Variants in SLC2A11 observed in about 807,000 individuals in gnomAD.
SLC2A11 encodes the protein solute carrier family 2 member 11.
In SLC2A11, 43 loss-of-function variants were observed where a neutral mutation model predicts 52.1. That is an observed-to-expected ratio of 0.82 (90% CI 0.65 to 1.06). The LOEUF is 1.06. SLC2A11 is among the 50% of genes least tolerant of loss of function. The pLI is 0.00. For missense variants in SLC2A11, 582 were observed against 654.2 expected (o/e 0.89, Z 1.20); for synonymous variants, 261 against 277.6 (o/e 0.94, Z 0.59).
At chr22:23,863,447 A>T (rs1445240259) in intron 2 of SLC2A11, among the ~76,000 whole-genome samples, 2 of 152,124 alleles carry the variant, frequency 1.3e-5, no homozygotes, top group Non-Finnish European at 2.9e-5. Context: ...CCAGTGATAG[A>T]AGCCCACCTC....
chr22:23,884,342 G>T lies in SLC2A11; in HGVS notation c.1212G>T (p.Gln404His). The change falls in exon 11 of 12, where the codon CAG (glutamine) becomes CAT (histidine). Residue 404 changes from glutamine (Q) to histidine (H), a missense_variant. Physicochemically the swap from Gln to His is conservative, Grantham distance 24. Transcript: ENST00000316185. The surrounding 1 kb of genome is among the most constrained non-coding windows in gnomAD (Gnocchi z 4.3). ...TCCTGGCCACAGAGCTGTTTGACCA[G>T]ATGGCCAGGCCTGCTGCCTGCATGG... is the stretch of plus-strand genomic sequence containing the variant. ...TGILATELFD[Q>H]MARPAACMVC... 1 of 1,614,044 alleles carries T rather than the reference G, an allele frequency of 6.2e-7. No homozygotes were observed. Among genetic ancestry groups the T allele is most frequent in the Non-Finnish European group, 8.5e-7 (1 of 1,180,008 alleles).
chr22:23,857,937 C>T lies in SLC2A11; in HGVS notation c.-63C>T. 1 of 1,593,682 alleles carries T rather than the reference C, an allele frequency of 6.3e-7. No individual in the cohort carries two copies. The highest frequency in any genetic ancestry group is 8.5e-7 in the Non-Finnish European group (1 of 1,171,320). ...CCGCGCACAGGCTGCCGGCTCACCG[C>T]TTGCTAATGGCAGCCGGGGTCTCCC... On this transcript the variant is annotated 5_prime_UTR_variant, in exon 1 of 12. Transcript: ENST00000316185.
Position 23,884,255 on chromosome 22 carries a change from G to A in SLC2A11, c.1172-47G>A. On this transcript the variant is annotated intron_variant, in intron 10 of 11. Coordinates refer to ENST00000316185, the MANE Select transcript of SLC2A11 (RefSeq NM_001024939.4). The surrounding 1 kb of genome is among the most constrained non-coding windows in gnomAD (Gnocchi z 4.3). ...CTGGGCTGGGGTCGGGGAGAGGCAG[G>A]CAGGGAACCCTGGCCAGCAGCCCCC... is the stretch of plus-strand genomic sequence containing the variant. 5.7e-6 allele frequency: 9 copies of A among 1,585,114 alleles called. No individual in the cohort carries two copies. Among genetic ancestry groups the A allele is most frequent in the Non-Finnish European group, 7.7e-6 (9 of 1,164,596 alleles).
chr22:23,884,858 G>A lies in SLC2A11; in HGVS notation c.*9G>A. On this transcript the variant is annotated 3_prime_UTR_variant, in exon 12 of 12. Transcript: ENST00000316185. The surrounding 1 kb of genome is among the most constrained non-coding windows in gnomAD (Gnocchi z 4.3). ...AGTCAACAGAACTCTAGTCCCAAAG[G>A]GGTGGCCAGAGCCAAAGCCAGCTAC... 2 of 1,613,636 alleles carry A rather than the reference G, an allele frequency of 1.2e-6. No individual in the cohort carries two copies. Among genetic ancestry groups the A allele is most frequent in the South Asian group, 1.1e-5 (1 of 91,050 alleles).
Position 23,884,197 on chromosome 22 carries a change from A to G in SLC2A11, c.1172-105A>G, listed in dbSNP as rs532693181. On this transcript the variant is annotated intron_variant, in intron 10 of 11. Coordinates refer to ENST00000316185, the MANE Select transcript of SLC2A11 (RefSeq NM_001024939.4). This position sits in a 1 kb window ranked among gnomAD's most constrained non-coding sequence, Gnocchi z 4.3. ...GGAGGAGAGCACTGAGGGGCCCCCC[A>G]TACAGACTGGGCCTGGGCTCCCACT... 3.0e-4 allele frequency: 451 copies of G among 1,502,056 alleles called. No individual in the cohort carries two copies. In the African/African-American group the frequency reaches 5.8e-3, roughly 19 times the overall value. The allele number at this position is 1,502,056 out of a possible 1,614,324, so 93.0% of individuals were successfully genotyped here.
At position 23,884,905 on chromosome 22, in the gene SLC2A11, C is replaced by A. The variant is rs757548372; in HGVS notation, c.*56C>A. The A allele has an allele frequency of 6.7e-7, 1 of 1,482,680 alleles. No individual in the cohort carries two copies. Among genetic ancestry groups the A allele is most frequent in the Non-Finnish European group, 9.3e-7 (1 of 1,072,964 alleles). The allele number at this position is 1,482,680 out of a possible 1,614,324, so 91.8% of individuals were successfully genotyped here. Reference sequence around the variant, plus strand: ...CTACTGTCCTGTCCTCTGCTTCCTGCCAGGGCCCTGGTCCTCACTCCCTCC... The same window carrying A: ...CTACTGTCCTGTCCTCTGCTTCCTGACAGGGCCCTGGTCCTCACTCCCTCC... On this transcript the variant is annotated 3_prime_UTR_variant, in exon 12 of 12. Coordinates refer to ENST00000316185, the MANE Select transcript of SLC2A11 (RefSeq NM_001024939.4). This position sits in a 1 kb window ranked among gnomAD's most constrained non-coding sequence, Gnocchi z 4.3.
At chr22:23,880,328 T>A (rs1210096382) in intron 6 of SLC2A11, 2 of 151,662 alleles carry the variant, frequency 1.3e-5, no homozygotes, top group Non-Finnish European at 2.9e-5. Context: ...ATATTTCAAA[T>A]TGTCCTGGTC....
rs563545300 is a variant in SLC2A11, at chr22:23,885,952, C to G, written c.*1103C>G. On this transcript the variant is annotated 3_prime_UTR_variant, in exon 12 of 12. Coordinates refer to ENST00000316185, the MANE Select transcript of SLC2A11 (RefSeq NM_001024939.4). The stretch of plus-strand genomic sequence containing the variant: ...AAACACCACCGTGATCAAGATGGAA[C>G]CTTTACCCTACCCCAAGGCACCCAC... 2.0e-5 allele frequency: 3 copies of G among 152,136 alleles called. No individual in the cohort carries two copies. The highest frequency in any genetic ancestry group is 7.2e-5 in the African/African-American group (3 of 41,410). The allele number at this position is 152,136 out of a possible 1,614,324, so 9.4% of individuals were successfully genotyped here. A position where few individuals can be genotyped will look rare whatever the true frequency, so the allele number is the denominator to read the frequency against.
chr22:23,877,098 C>A lies in SLC2A11; in HGVS notation c.472C>A (p.Arg158=). The change falls in exon 5 of 12, where the codon CGA becomes AGA. Residue 158 remains arginine (R), a synonymous_variant. Coordinates refer to ENST00000316185, the MANE Select transcript of SLC2A11 (RefSeq NM_001024939.4). ...YLGESAPKEL[R]GAVAMSSAIF... is the part of the protein sequence containing the mutation. ...GGGGGAGAGCGCCCCTAAGGAGCTCCGAGGAGCTGTGGCCATGAGCTCAGC... is the reference window on the plus strand; with the variant it reads ...GGGGGAGAGCGCCCCTAAGGAGCTCAGAGGAGCTGTGGCCATGAGCTCAGC... 1 of 1,613,842 alleles carries A rather than the reference C, an allele frequency of 6.2e-7. No individual in the cohort carries two copies. Among genetic ancestry groups the A allele is most frequent in the Non-Finnish European group, 8.5e-7 (1 of 1,179,950 alleles).
intron 2 of SLC2A11, chr22:23,866,018 A>T (rs1183874459): frequency 6.6e-6 from 1 of 152,066 alleles, no homozygotes; most frequent in Non-Finnish European, 1.5e-5. Flanking sequence ...AGTAAAAAAA[A>T]TGCAACAGGG....
At chr22:23,867,486 C>T (rs140369199) in intron 2 of SLC2A11, 3 of 321,972 alleles carry the variant, frequency 9.3e-6, no homozygotes, top group Non-Finnish European at 1.9e-5. Flanking sequence ...GTGTGAGCCA[C>T]CGTGCCTGGC....
intron 5 of SLC2A11, 188 bp downstream of exon 5, chr22:23,877,359 G>T: frequency 1.0e-6 from 1 of 990,582 alleles, no homozygotes; most frequent in East Asian, 2.6e-5. Context: ...ACTGCAATGT[G>T]AATCACCTTT....
At chr22:23,883,201 G>A (rs1450789544) in intron 8 of SLC2A11, 5 of 403,418 alleles carry the variant, frequency 1.2e-5, no homozygotes, top group Non-Finnish European at 1.9e-5. Flanking sequence ...GGTGGAGGTT[G>A]CAGTGAGCCG....
intron 2 of SLC2A11, among the ~76,000 whole-genome samples, chr22:23,862,751 G>A (rs2032118329): frequency 6.6e-6 from 1 of 152,102 alleles, no homozygotes; most frequent in South Asian, 2.1e-4. Flanking sequence ...AGCCTCCCGA[G>A]TAGCTGGGAT....
At chr22:23,881,480 C>T (rs9612498) in intron 6 of SLC2A11, 51,628 of 151,542 alleles carry the variant, frequency 0.34, 9,321 homozygotes, top group South Asian at 0.47. Context: ...GGGATGTAGG[C>T]AGTACTTGCC....
At chr22:23,856,950 C>A (rs368257812), upstream of SLC2A11, 63 of 1,610,262 alleles carry the variant, frequency 3.9e-5, no homozygotes, top group Admixed American at 3.2e-4. Context: ...CCAAGTCTCT[C>A]GCTCTGCCCA....
chr22:23,882,501 TGGAGGAGCTGGA>T lies in SLC2A11; in HGVS notation c.746_757del (p.Leu249_Glu252del). 1 of 1,572,944 alleles carries T rather than the reference TGGAGGAGCTGGA, an allele frequency of 6.4e-7. No homozygotes were observed. Among genetic ancestry groups the T allele is most frequent in the Non-Finnish European group, 8.6e-7 (1 of 1,161,626 alleles). On this transcript the variant is annotated inframe_deletion, in exon 7 of 12. Coordinates refer to ENST00000316185, the MANE Select transcript of SLC2A11 (RefSeq NM_001024939.4). The stretch of plus-strand genomic sequence containing the variant: ...GGCTCCGGGGACTTGGCAGGGGAGC[TGGAGGAGCTGGA>T]GGAGGAGCGCGCTGCCTGCCAGGGC...
At chr22:23,869,879 G>C (rs751558625) in intron 3 of SLC2A11, 14 of 655,354 alleles carry the variant, frequency 2.1e-5, no homozygotes, top group Non-Finnish European at 2.8e-5. Flanking sequence ...CGAATGCTGT[G>C]TCCTCATATG....
At chr22:23,857,215 G>A, upstream of SLC2A11, 2 of 751,944 alleles carry the variant, frequency 2.7e-6, no homozygotes, top group Admixed American at 2.5e-5. Flanking sequence ...GCAGGGTTGC[G>A]GCTGAGGTCA....
Sources: gnomAD v4.1 joint callset for allele counts (sites outside exome capture counted in the v4.1 genomes callset) on GRCh38, gnomAD v4.1.1 for gene constraint, Gnocchi (gnomAD v3.1) non-coding constraint, MANE v1.5 for transcripts, NCBI Gene and HGNC (gene_info 2026-07-23, HGNC 2026-07-21) for gene names.